PPP4R4: variants seen among roughly 807,000 people sequenced by gnomAD.
PPP4R4 encodes serine/threonine-protein phosphatase 4 regulatory subunit 4.
In PPP4R4, 70 loss-of-function variants were observed where a neutral mutation model predicts 121.8. That is an observed-to-expected ratio of 0.57 (90% CI 0.47 to 0.70). The LOEUF (loss-of-function observed/expected upper bound fraction) is 0.70. Among genes scored for constraint, PPP4R4 ranks in the 30% least tolerant of loss-of-function variants. The pLI is 0.00. For synonymous variants in PPP4R4, 348 were observed against 355.7 expected, an observed-to-expected ratio of 0.98 and a Z score of 0.24; for missense variants, 875 against 1,033.6, an observed-to-expected ratio of 0.85 and a Z score of 2.10.
At chr14:94,182,277 C>G (rs563314359) in intron 2 of PPP4R4, among the ~76,000 whole-genome samples, 21 of 152,086 alleles carry the variant, frequency 1.4e-4, no homozygotes, top group African/African-American at 2.4e-5. Flanking sequence ...TATTTTTTAA[C>G]GCGAACTTTG....
chr14:94,256,516 A>G lies in PPP4R4; in HGVS notation c.1922A>G (p.Asp641Gly), dbSNP rs766353233. Residue 641 changes from aspartate (D) to glycine (G), a missense_variant, in exon 17 of 25, where the codon GAT becomes GGT. Coordinates refer to ENST00000304338, the MANE Select transcript of PPP4R4 (RefSeq NM_058237.2). The stretch of plus-strand genomic sequence containing the variant: ...AAATCTACTCTGAAGATTCCTGCTG[A>G]TAAGCATCTACTTCAGCAGTTAGAA... ...KVKSTLKIPA[D>G]KHLLQQLEMC... 32 of 1,603,046 alleles carry G rather than the reference A, an allele frequency of 2.0e-5. No homozygotes were observed. Among genetic ancestry groups the G allele is most frequent in the Non-Finnish European group, 2.6e-5 (31 of 1,170,760 alleles).
intron 18 of PPP4R4, among the ~76,000 whole-genome samples, chr14:94,259,048 T>C (rs1893631205): frequency 6.6e-6 from 1 of 152,100 alleles, no homozygotes; most frequent in Non-Finnish European, 1.5e-5. Context: ...AACTCCCCCT[T>C]ACAATACCAT....
At chr14:94,221,488 C>A (rs1330360039) in intron 3 of PPP4R4, among the ~76,000 whole-genome samples, 2 of 151,896 alleles carry the variant, frequency 1.3e-5, no homozygotes, top group African/African-American at 4.8e-5. Flanking sequence ...AAGAACTTCT[C>A]AAAACACAAT....
At chr14:94,275,333 A>G (rs778384529) in intron 23 of PPP4R4, 41 bp from the exon 24 acceptor site, 1 of 1,599,854 alleles carries the variant, frequency 6.3e-7, no homozygotes, top group Admixed American at 1.7e-5. Context: ...CCTCTTTGTT[A>G]GTATATTTGG....
At chr14:94,227,015 G>A (rs539702206) in intron 3 of PPP4R4, among the ~76,000 whole-genome samples, 69 of 152,248 alleles carry the variant, frequency 4.5e-4, no homozygotes, top group Admixed American at 7.2e-4. Context: ...TGCAAGGAGT[G>A]TATTATGTTG....
At chr14:94,265,505 TA>T (rs767991196) in intron 21 of PPP4R4, 32 bp downstream of exon 21, 20 of 1,537,632 alleles carry the variant, frequency 1.3e-5, no homozygotes, top group Non-Finnish European at 1.8e-5. Context: ...TATCTTTTTG[TA>T]ATTTTTCTTC....
chr14:94,269,540 G>C (rs1459765373), intron 23 of PPP4R4, among the ~76,000 whole-genome samples: 1 of 151,916 alleles, frequency 6.6e-6, no homozygotes, highest in Non-Finnish European at 1.5e-5. Context: ...ATTTAGTCGG[G>C]CGTGGCGTCA....
intron 2 of PPP4R4, among the ~76,000 whole-genome samples, chr14:94,208,100 T>TG (rs1030705956): frequency 1.2e-4 from 18 of 152,070 alleles, no homozygotes; most frequent in African/African-American, 4.3e-4. Flanking sequence ...ATGTTACCAT[T>TG]TATATATTTT....
intron 2 of PPP4R4, among the ~76,000 whole-genome samples, chr14:94,177,655 T>C (rs1019403485): frequency 3.3e-5 from 5 of 152,232 alleles, no homozygotes; most frequent in African/African-American, 1.2e-4. Flanking sequence ...AGAGTCTTGC[T>C]CTATTTACTT....
At chr14:94,227,119 C>T (rs1301799489) in intron 3 of PPP4R4, among the ~76,000 whole-genome samples, 1 of 152,142 alleles carries the variant, frequency 6.6e-6, no homozygotes, top group Non-Finnish European at 1.5e-5. Context: ...TGAATGGGTA[C>T]AGTTTTTAAA....
chr14:94,179,801 A>C (rs1390409881), intron 2 of PPP4R4, among the ~76,000 whole-genome samples: 4 of 152,170 alleles, frequency 2.6e-5, no homozygotes, highest in Admixed American at 1.3e-4. Flanking sequence ...TCTTCAGTAG[A>C]TTGTAAGGTC....
At chr14:94,272,357 A>G (rs74075907) in intron 23 of PPP4R4, among the ~76,000 whole-genome samples, 3,781 of 152,296 alleles carry the variant, frequency 0.025, 145 homozygotes, top group African/African-American at 0.085. Context: ...AGACCCACGT[A>G]AGTGTAGTCA....
chr14:94,232,243 A>G (rs937737305), intron 5 of PPP4R4, among the ~76,000 whole-genome samples: 14 of 152,212 alleles, frequency 9.2e-5, no homozygotes, highest in Non-Finnish European at 1.5e-5. Context: ...TTATTCCTAT[A>G]TACATTTCTT....
chr14:94,235,516 C>T (rs1324539882), intron 7 of PPP4R4, among the ~76,000 whole-genome samples: 2 of 150,354 alleles, frequency 1.3e-5, no homozygotes, highest in Admixed American at 6.7e-5. Flanking sequence ...TCTCCTGCCT[C>T]AGCCTCCCAA....
chr14:94,179,308 CGGAATCATACAGTATAT>C (rs1567100309), intron 2 of PPP4R4, among the ~76,000 whole-genome samples: 1 of 152,172 alleles, frequency 6.6e-6, no homozygotes, highest in East Asian at 1.9e-4. Context: ...TTCCTAAACA[CGGAATCATACAGTATAT>C]GGCCTTTTGT....
intron 2 of PPP4R4, among the ~76,000 whole-genome samples, chr14:94,197,114 C>T (rs1213076134): frequency 1.3e-5 from 2 of 152,100 alleles, no homozygotes; most frequent in Non-Finnish European, 2.9e-5. Context: ...TTCTGTTTCT[C>T]TCCTGTACTT....
At chr14:94,218,739 C>T (rs1282190755) in intron 3 of PPP4R4, among the ~76,000 whole-genome samples, 4 of 131,862 alleles carry the variant, frequency 3.0e-5, no homozygotes, top group Middle Eastern at 5.2e-3. Flanking sequence ...CGCACGTGCG[C>T]GCGCGCACAC....
chr14:94,247,827 A>G (rs1165928935), intron 14 of PPP4R4, among the ~76,000 whole-genome samples: 2 of 152,206 alleles, frequency 1.3e-5, no homozygotes, highest in Non-Finnish European at 1.5e-5. Flanking sequence ...GATCATCTCA[A>G]TGGATGCAGA....
intron 2 of PPP4R4, among the ~76,000 whole-genome samples, chr14:94,190,478 G>A (rs1293097677): frequency 7.2e-5 from 11 of 152,136 alleles, no homozygotes; most frequent in African/African-American, 2.6e-4. Flanking sequence ...GTGTGTGCCT[G>A]TAGCCCCAGC....
Sources: gnomAD v4.1 joint callset for allele counts (sites outside exome capture counted in the v4.1 genomes callset) on GRCh38, gnomAD v4.1.1 for gene constraint, MANE v1.5 for transcripts, NCBI Gene and HGNC (gene_info 2026-07-23, HGNC 2026-07-21) for gene names.